The following CD300C variants were observed in gnomAD, a reference collection of about 807,000 sequenced individuals.
The protein encoded by CD300C is CD300c molecule, also known as CMRF35-like molecule 6.
In CD300C, 11 loss-of-function variants were observed where a neutral mutation model predicts 18.4. That is an observed-to-expected ratio of 0.60 (90% CI 0.38 to 0.99). The LOEUF (loss-of-function observed/expected upper bound fraction) is 0.99, where lower values mean the gene tolerates loss of function less well. Among genes scored for constraint, CD300C ranks in the 50% least tolerant of loss-of-function variants. The probability of loss-of-function intolerance (pLI) is 0.01; values close to 1 mark genes in which losing one functional copy is unlikely to be tolerated. For synonymous variants in CD300C, 116 were observed against 116.3 expected (o/e 1.00, Z 0.02); for missense variants, 277 against 287.4 (o/e 0.96, Z 0.26).
At chr17:74,540,152 GC>G (rs1024059487), downstream of CD300C, among the ~76,000 whole-genome samples, 4 of 152,226 alleles carry the variant, frequency 2.6e-5, no homozygotes, top group African/African-American at 9.6e-5. Context: ...AGTCTAAGAT[GC>G]CCCCCTGGCA....
chr17:74,539,242 A>T (rs1908469076), downstream of CD300C, among the ~76,000 whole-genome samples: 1 of 152,158 alleles, frequency 6.6e-6, no homozygotes, highest in Non-Finnish European at 1.5e-5. Flanking sequence ...TGAAGGGGTC[A>T]CTGCACCCTT....
intron 2 of CD300C, among the ~76,000 whole-genome samples, chr17:74,543,695 G>C (rs1351668633): frequency 6.6e-6 from 1 of 152,184 alleles, no homozygotes; most frequent in East Asian, 1.9e-4. Context: ...TGGAGAACAA[G>C]AAGATGCTCC....
At position 74,541,741 on chromosome 17, in the gene CD300C, G is replaced by A; in HGVS notation, c.528-5C>T. 1.2e-6 allele frequency: 2 copies of A among 1,611,950 alleles called. No homozygotes were observed. The highest frequency in any genetic ancestry group is 1.7e-6 in the Non-Finnish European group (2 of 1,178,976). ...CGGACATTGCTGAACAGGGAGCTGT[G>A]GGGACACGGTGACAGGCAGTGAGTC... On this transcript the variant is annotated splice_polypyrimidine_tract_variant and splice_region_variant and intron_variant, in intron 3 of 3. Coordinates refer to ENST00000330793, the MANE Select transcript of CD300C (RefSeq NM_006678.5).
rs762510780 is a variant in CD300C at position 74,542,874 on chromosome 17, T to C, written c.514A>G (p.Ser172Gly). The C allele has an allele frequency of 1.2e-6, 2 of 1,607,658 alleles. No individual in the cohort carries two copies. Among genetic ancestry groups the C allele is most frequent in the South Asian group, 2.2e-5 (2 of 91,026 alleles). The part of the protein sequence containing the change: ...SVTRKDSPEP[S>G]PHPGSLFSNV... ...CAGGCACCTTACCCAGGGTGTGGGC[T>C]GGGTTCGGGGCTGTCCTTTCTGGTC... The change falls in exon 3 of 4, where the codon AGC (serine) becomes GGC (glycine). Residue 172 changes from serine (S) to glycine (G), a missense_variant. Transcript: ENST00000330793.
Position 74,544,913 on chromosome 17 carries a change from C to T in CD300C, c.96G>A (p.Ala32=), listed in dbSNP as rs2292107. Residue 32 remains alanine (A), a synonymous_variant, in exon 2 of 4, where the codon GCG becomes GCA. Coordinates refer to ENST00000330793, the MANE Select transcript of CD300C (RefSeq NM_006678.5). Reference sequence around the variant, plus strand: ...CACTCAGGGATCCCCCCACGGGGCCCGCCACGGTCATGGGGTGGCTCAGAG... The same window carrying T: ...CACTCAGGGATCCCCCCACGGGGCCTGCCACGGTCATGGGGTGGCTCAGAG... ...YFPLSHPMTV[A]GPVGGSLSVQ... 0.13 allele frequency: 201,730 copies of T among 1,613,302 alleles called. 13,908 individuals are homozygous for T. The highest frequency in any genetic ancestry group is 0.14 in the Non-Finnish European group (166,636 of 1,179,378).
In CD300C at chr17:74,542,961, G is replaced by A; in HGVS notation, c.427C>T (p.Gln143Ter). The change falls in exon 3 of 4, where the codon CAG becomes TAG. Residue 143 changes from glutamine (Q) to a stop codon, truncating the protein, a stop_gained. Transcript: ENST00000330793. LOFTEE classifies it high-confidence loss of function. ...PAGTTTASSP[Q>*]SSMGTSGPPT... is the part of the protein sequence containing the mutation. ...GGACCTGAGGTGCCCATGGAGCTCT[G>A]GGGGCTGGAGGCTGTGGTCGTCCCG... 1.9e-6 allele frequency: 3 copies of A among 1,613,600 alleles called. No individual in the cohort carries two copies. Among genetic ancestry groups the A allele is most frequent in the African/African-American group, 1.3e-5 (1 of 75,066 alleles).
chr17:74,544,914 G>A lies in CD300C; in HGVS notation c.95C>T (p.Ala32Val), dbSNP rs752276696. Residue 32 changes from alanine to valine, a missense_variant, in exon 2 of 4, where the codon GCG becomes GTG. Coordinates refer to ENST00000330793, the MANE Select transcript of CD300C (RefSeq NM_006678.5). ...ACTCAGGGATCCCCCCACGGGGCCC[G>A]CCACGGTCATGGGGTGGCTCAGAGG... ...YFPLSHPMTV[A>V]GPVGGSLSVQ... is the part of the protein sequence containing the mutation. 50 of 1,613,336 alleles carry A rather than the reference G, an allele frequency of 3.1e-5. No homozygotes were observed. The highest frequency in any genetic ancestry group is 1.3e-4 in the African/African-American group (10 of 75,056).
At chr17:74,544,459 G>A (rs1340453689) in intron 2 of CD300C, 150 bp downstream of exon 2, 5 of 756,516 alleles carry the variant, frequency 6.6e-6, no homozygotes, top group Middle Eastern at 3.5e-4. Context: ...ACACAAAGAC[G>A]CACTCACACT....
rs115922977 is a variant in CD300C at position 74,541,748 on chromosome 17, C to T, written c.528-12G>A. On this transcript the variant is annotated splice_polypyrimidine_tract_variant and intron_variant, in intron 3 of 3. Transcript: ENST00000330793. ...TGCTGAACAGGGAGCTGTGGGGACA[C>T]GGTGACAGGCAGTGAGTCACCTCCC... is the stretch of plus-strand genomic sequence containing the variant. The T allele has an allele frequency of 2.9e-3, 4,694 of 1,608,460 alleles. 123 individuals carry two copies. In the African/African-American group the frequency reaches 0.054, roughly 19 times the overall value.
chr17:74,545,659 C>T, intron 1 of CD300C, 63 bp downstream of exon 1: 3 of 1,319,164 alleles, frequency 2.3e-6, no homozygotes, highest in Non-Finnish European at 3.2e-6. Context: ...CCAGCGCCTG[C>T]ACCCCTCCCT....
chr17:74,538,719 T>C (rs575264784), downstream of CD300C, among the ~76,000 whole-genome samples: 1 of 152,328 alleles, frequency 6.6e-6, no homozygotes, highest in East Asian at 1.9e-4. Context: ...CAGGAATCAA[T>C]AACCTGGATA....
chr17:74,536,361 G>A (rs901696911), downstream of CD300C, among the ~76,000 whole-genome samples: 6 of 151,856 alleles, frequency 4.0e-5, no homozygotes, highest in East Asian at 1.9e-4. Flanking sequence ...GTGAAACCCC[G>A]TCTCTACTAA....
chr17:74,544,971 TG>T (rs754679590), intron 1 of CD300C, 24 bp from the exon 2 acceptor site: 1 of 1,583,258 alleles, frequency 6.3e-7, no homozygotes, highest in African/African-American at 1.3e-5. Context: ...GCCAAAATCC[TG>T]TCTCCTTACC....
Position 74,542,842 on chromosome 17 carries a change from C to G in CD300C, c.527+19G>C. The G allele has an allele frequency of 6.2e-7, 1 of 1,601,308 alleles. No homozygotes were observed. The highest frequency in any genetic ancestry group is 8.5e-7 in the Non-Finnish European group (1 of 1,179,232). ...GGGAGGCCGCCAGCGTGGCCCAGTC[C>G]TATGCGCAGGCACCTTACCCAGGGT... On this transcript the variant is annotated intron_variant, in intron 3 of 3. Coordinates refer to ENST00000330793, the MANE Select transcript of CD300C (RefSeq NM_006678.5).
At position 74,544,667 on chromosome 17, in the gene CD300C, T is replaced by A. The variant is rs773149738; in HGVS notation, c.342A>T (p.Thr114=). 6 of 1,614,034 alleles carry A rather than the reference T, an allele frequency of 3.7e-6. No individual in the cohort carries two copies. In the African/African-American group the frequency reaches 8.0e-5, roughly 22 times the overall value. Residue 114 remains threonine (T), a synonymous_variant, in exon 2 of 4, where the codon ACA becomes ACT. Coordinates refer to ENST00000330793, the MANE Select transcript of CD300C (RefSeq NM_006678.5). ...DAGTYWCGVD[T]PWLRDFHDPI... is the part of the protein sequence containing the mutation. ...GATCATGAAAGTCTCGGAGCCACGG[T>A]GTATCCACCCCACACCAGTAGGTGC...
At position 74,544,727 on chromosome 17, in the gene CD300C, T is replaced by G. The variant is rs779759691; in HGVS notation, c.282A>C (p.Thr94=). ...IRDSPANLSF[T]VTLENLTEED... is the part of the protein sequence containing the mutation. ...CCTCTGTGAGATTCTCCAGGGTCAC[T>G]GTGAAGCTGAGGTTTGCAGGACTGT... is the stretch of plus-strand genomic sequence containing the variant. Residue 94 remains threonine, a synonymous_variant, in exon 2 of 4, where the codon ACA becomes ACC. Coordinates refer to ENST00000330793, the MANE Select transcript of CD300C (RefSeq NM_006678.5). 1 of 1,614,220 alleles carries G rather than the reference T, an allele frequency of 6.2e-7. No individual in the cohort carries two copies. The highest frequency in any genetic ancestry group is 8.5e-7 in the Non-Finnish European group (1 of 1,180,040).
downstream of CD300C, among the ~76,000 whole-genome samples, chr17:74,536,968 A>T (rs1439577689): frequency 6.6e-6 from 1 of 152,006 alleles, no homozygotes; most frequent in Non-Finnish European, 1.5e-5. Context: ...AAGGAGGAGG[A>T]GGAAGAGAAA....
At chr17:74,536,720 T>C (rs1373115185), downstream of CD300C, among the ~76,000 whole-genome samples, 1 of 152,124 alleles carries the variant, frequency 6.6e-6, no homozygotes, top group Non-Finnish European at 1.5e-5. Flanking sequence ...TGAACAAATT[T>C]AGAAAGTCTG....
chr17:74,543,090 G>A, intron 2 of CD300C, 103 bp from the exon 3 acceptor site: 2 of 1,478,292 alleles, frequency 1.4e-6, no homozygotes, highest in Non-Finnish European at 1.9e-6. Flanking sequence ...CCAATGATGT[G>A]CTGGACAGAT....
Sources: gnomAD v4.1 joint callset for allele counts (sites outside exome capture counted in the v4.1 genomes callset) on GRCh38, gnomAD v4.1.1 for gene constraint, MANE v1.5 for transcripts, NCBI Gene and HGNC (gene_info 2026-07-23, HGNC 2026-07-21) for gene names.